Variants in VILL observed in about 807,000 individuals in gnomAD.
VILL encodes the protein villin like.
VILL carries 102 observed loss-of-function variants against 106.3 expected under a neutral mutation model. That is an observed-to-expected ratio of 0.96 (90% CI 0.82 to 1.13). The LOEUF is 1.13. Ranked by LOEUF, VILL falls within the 50% of genes most tolerant of loss-of-function variation. The probability of loss-of-function intolerance (pLI) is 0.00; values close to 1 mark genes in which losing one functional copy is unlikely to be tolerated. For synonymous variants in VILL, 431 were observed against 440.3 expected (o/e 0.98, Z 0.27); for missense variants, 1,076 against 1,116.6 (o/e 0.96, Z 0.52).
In VILL at chr3:38,005,819, A is replaced by C; in HGVS notation, c.1978A>C (p.Ser660Arg). 1 of 1,612,950 alleles carries C rather than the reference A, an allele frequency of 6.2e-7. No homozygotes were observed. Among genetic ancestry groups the C allele is most frequent in the Non-Finnish European group, 8.5e-7 (1 of 1,179,418 alleles). Reference sequence around the variant, plus strand: ...CTTCCTGTGGCTTGGGGAAGCTGCAAGTGAGTGGAAGGAGGCGGTGGCCTG... The same window carrying C: ...CTTCCTGTGGCTTGGGGAAGCTGCACGTGAGTGGAAGGAGGCGGTGGCCTG... ...EIFLWLGEAASEWKEAVAWGQ... is the reference protein window; with the variant it reads ...EIFLWLGEAAREWKEAVAWGQ... Residue 660 changes from serine (S) to arginine (R), a missense_variant, in exon 17 of 20, where the codon AGT (serine) becomes CGT (arginine). Physicochemically the swap from Ser to Arg is moderately radical, Grantham distance 110. Coordinates refer to ENST00000383759, the MANE Select transcript of VILL (RefSeq NM_015873.4).
Position 37,998,866 on chromosome 3 carries a change from C to A in VILL, c.943-46C>A. Reference sequence around the variant, plus strand: ...TAGGTCCCCAGGAGCGGCAGTGGGGCAGTGGACTCTCAGGGTCGCAGGACT... The same window carrying A: ...TAGGTCCCCAGGAGCGGCAGTGGGGAAGTGGACTCTCAGGGTCGCAGGACT... On this transcript the variant is annotated intron_variant, in intron 9 of 19. Transcript: ENST00000383759. The surrounding 1 kb of genome is among the most constrained non-coding windows in gnomAD (Gnocchi z 4.1). 6.4e-7 allele frequency: 1 copy of A among 1,564,852 alleles called. No homozygotes were observed.
At position 37,993,703 on chromosome 3, in the gene VILL, C is replaced by T. The variant is rs766606387; in HGVS notation, c.31C>T (p.Gln11Ter). ...CATCAGCAAGGGCCTCCCAGGCATG[C>T]AGGGAGGCCTCCACATATGGATCTC... Reference protein sequence around the residue: MDISKGLPGMQGGLHIWISEN... With the variant: MDISKGLPGM Residue 11 changes from glutamine (Q) to a stop codon, truncating the protein, a stop_gained, in exon 2 of 20, where the codon CAG (glutamine) becomes TAG (stop). Coordinates refer to ENST00000383759, the MANE Select transcript of VILL (RefSeq NM_015873.4). LOFTEE classifies it high-confidence loss of function. 6.2e-7 allele frequency: 1 copy of T among 1,614,086 alleles called. No individual in the cohort carries two copies. The highest frequency in any genetic ancestry group is 8.5e-7 in the Non-Finnish European group (1 of 1,179,980).
chr3:37,993,412 C>G (rs1699638596), intron 1 of VILL, 175 bp from the exon 2 acceptor site: 1 of 506,608 alleles, frequency 2.0e-6, no homozygotes, highest in Admixed American at 3.6e-5. Context: ...AGAGCAAGAC[C>G]CTGTCTCGAA....
At chr3:37,990,015 T>G (rs1699590542), upstream of VILL, among the ~76,000 whole-genome samples, 1 of 152,192 alleles carries the variant, frequency 6.6e-6, no homozygotes, top group Non-Finnish European at 1.5e-5. The surrounding 1 kb of genome is among the most constrained non-coding windows in gnomAD (Gnocchi z 5.1). Flanking sequence ...GGGCAGGCTT[T>G]AGCAGCGTGG....
rs755081720 is a variant in VILL, at chr3:37,993,711, C to G, written c.39C>G (p.Gly13=). The G allele has an allele frequency of 1.2e-6, 2 of 1,614,126 alleles. No homozygotes were observed. Among genetic ancestry groups the G allele is most frequent in the Non-Finnish European group, 1.7e-6 (2 of 1,179,996 alleles). Residue 13 remains glycine, a synonymous_variant, in exon 2 of 20, where the codon GGC becomes GGG. Coordinates refer to ENST00000383759, the MANE Select transcript of VILL (RefSeq NM_015873.4). The part of the protein sequence containing the change: ...ISKGLPGMQG[G]LHIWISENRK... ...AGGGCCTCCCAGGCATGCAGGGAGG[C>G]CTCCACATATGGATCTCTGAGGTGA...
At chr3:38,004,761 G>A (rs13098902) in intron 16 of VILL, among the ~76,000 whole-genome samples, 337 of 152,338 alleles carry the variant, frequency 2.2e-3, no homozygotes, top group Non-Finnish European at 3.8e-3. Context: ...ATGCCCAATC[G>A]CATCATTCAT....
chr3:38,003,036 G>T, intron 14 of VILL, 132 bp from the exon 15 acceptor site: 1 of 1,141,722 alleles, frequency 8.8e-7, no homozygotes, highest in Middle Eastern at 2.4e-4. Context: ...TTGTTCACTG[G>T]TGTCCTGCTG....
chr3:38,003,132 C>G (rs1282586285), intron 14 of VILL, 36 bp from the exon 15 acceptor site: 1 of 1,608,172 alleles, frequency 6.2e-7, no homozygotes, highest in Non-Finnish European at 8.5e-7. Context: ...AAGGCCCCTC[C>G]TCATGCAGGG....
chr3:37,993,709 G>A lies in VILL; in HGVS notation c.37G>A (p.Gly13Ser), dbSNP rs1413696537. The A allele has an allele frequency of 6.2e-7, 1 of 1,614,112 alleles. No individual in the cohort carries two copies. Among genetic ancestry groups the A allele is most frequent in the Admixed American group, 1.7e-5 (1 of 60,018 alleles). The change falls in exon 2 of 20, where the codon GGC becomes AGC. Residue 13 changes from glycine to serine, a missense_variant. By Grantham distance (56) the Gly-to-Ser change is moderately conservative. Transcript: ENST00000383759. ...ISKGLPGMQGGLHIWISENRK... is the reference protein window; with the variant it reads ...ISKGLPGMQGSLHIWISENRK... ...CAAGGGCCTCCCAGGCATGCAGGGA[G>A]GCCTCCACATATGGATCTCTGAGGT...
intron 11 of VILL, 39 bp downstream of exon 11, chr3:37,999,478 C>T (rs370515988): frequency 2.1e-6 from 3 of 1,421,000 alleles, no homozygotes; most frequent in African/African-American, 3.0e-5. Context: ...GATGGGCACA[C>T]GGAGGTAAGC....
At position 38,004,559 on chromosome 3, in the gene VILL, T is replaced by C. The variant is rs117036722; in HGVS notation, c.1950+160T>C. 1.5e-4 allele frequency among the ~76,000 whole-genome samples: 23 copies of C among 152,288 alleles called. No homozygotes were observed. The East Asian group carries it at 4.2e-3, about 28-fold the overall frequency. The stretch of plus-strand genomic sequence containing the variant: ...TTGCATTGCGGTGCATATGAGACCA[T>C]GGATGAGTGTGCATCACCAGGTGGC... On this transcript the variant is annotated intron_variant, in intron 16 of 19. Coordinates refer to ENST00000383759, the MANE Select transcript of VILL (RefSeq NM_015873.4).
chr3:37,997,698 GGGGTGGGCAGGGGT>G lies in VILL; in HGVS notation c.764+21_764+34del. 6 of 1,537,054 alleles carry G rather than the reference GGGGTGGGCAGGGGT, an allele frequency of 3.9e-6. No homozygotes were observed. The highest frequency in any genetic ancestry group is 5.4e-6 in the Non-Finnish European group (6 of 1,118,724). ...TTCGCCTGTACCAGTGAGTACCCCT[GGGGTGGGCAGGGGT>G]GGGTGGGACAGTCCAGGACTCTGTG... On this transcript the variant is annotated intron_variant, in intron 7 of 19. Transcript: ENST00000383759. This position sits in a 1 kb window ranked among gnomAD's most constrained non-coding sequence, Gnocchi z 4.7.
At position 38,002,421 on chromosome 3, in the gene VILL, G is replaced by C; in HGVS notation, c.1505G>C (p.Gly502Ala). The change falls in exon 14 of 20, where the codon GGG (glycine) becomes GCG (alanine). Residue 502 changes from glycine (G) to alanine (A), a missense_variant. Coordinates refer to ENST00000383759, the MANE Select transcript of VILL (RefSeq NM_015873.4). The stretch of plus-strand genomic sequence containing the variant: ...GAGAGAGCTGGGCACCATGGAAAGG[G>C]GCAGTCAGCATCCACCACAAGGCTT... ...FQERAGHHGK[G>A]QSASTTRLFQ... 3 of 1,613,492 alleles carry C rather than the reference G, an allele frequency of 1.9e-6. No homozygotes were observed. Among genetic ancestry groups the C allele is most frequent in the Non-Finnish European group, 2.5e-6 (3 of 1,179,602 alleles).
chr3:37,999,930 C>T (rs1354155703), intron 11 of VILL, among the ~76,000 whole-genome samples: 1 of 152,250 alleles, frequency 6.6e-6, no homozygotes, highest in Non-Finnish European at 1.5e-5. Flanking sequence ...CAATTAACAG[C>T]CATACACTGT....
intron 17 of VILL, 100 bp downstream of exon 17, chr3:38,006,074 G>A: frequency 1.3e-6 from 2 of 1,594,300 alleles, no homozygotes; most frequent in Non-Finnish European, 1.7e-6. Context: ...GCTGGGGATT[G>A]CCAGTGTGTG....
chr3:38,002,650 G>A, intron 14 of VILL, 75 bp downstream of exon 14: 3 of 1,515,608 alleles, frequency 2.0e-6, no homozygotes, highest in Non-Finnish European at 2.7e-6. Context: ...CTCTCCACAG[G>A]GCATGCAGAC....
At chr3:38,006,797 C>T in intron 19 of VILL, 97 bp downstream of exon 19, 2 of 1,536,642 alleles carry the variant, frequency 1.3e-6, no homozygotes, top group Non-Finnish European at 1.8e-6. Flanking sequence ...GGGCAACTGC[C>T]CCGGGAGATG....
At chr3:38,006,725 C>A in intron 19 of VILL, 25 bp downstream of exon 19, 1 of 1,584,110 alleles carries the variant, frequency 6.3e-7, no homozygotes, top group South Asian at 1.1e-5. Context: ...ACTGCCCCAG[C>A]ACTAGTGCAT....
At chr3:37,993,434 A>C in intron 1 of VILL, 153 bp from the exon 2 acceptor site, 1 of 532,608 alleles carries the variant, frequency 1.9e-6, no homozygotes, top group Non-Finnish European at 3.3e-6. Flanking sequence ...AAACTGGAAA[A>C]AAAAATTGTC....
Sources: gnomAD v4.1 joint callset for allele counts (sites outside exome capture counted in the v4.1 genomes callset) on GRCh38, gnomAD v4.1.1 for gene constraint, Gnocchi (gnomAD v3.1) non-coding constraint, MANE v1.5 for transcripts, NCBI Gene and HGNC (gene_info 2026-07-23, HGNC 2026-07-21) for gene names.